PRDM10: variants seen among roughly 807,000 people sequenced by gnomAD.
PRDM10 encodes PR/SET domain 10, also known as PR domain zinc finger protein 10.
A neutral mutation model predicts 133.1 loss-of-function variants in PRDM10; 65 were observed. That is an observed-to-expected ratio of 0.49 (90% CI 0.40 to 0.60). The LOEUF is 0.60. Among genes scored for constraint, PRDM10 ranks in the 20% least tolerant of loss-of-function variants. The pLI, the probability that PRDM10 is intolerant of heterozygous loss-of-function variation, is 0.00. For synonymous variants in PRDM10, 582 were observed against 580.4 expected (o/e 1.00, Z -0.04); for missense variants, 1,137 against 1,507.1 (o/e 0.75, Z 4.07).
intron 9 of PRDM10, among the ~76,000 whole-genome samples, chr11:129,932,842 T>G (rs1328365898): frequency 6.6e-6 from 1 of 152,192 alleles, no homozygotes; most frequent in Admixed American, 6.5e-5. Flanking sequence ...CATGGCTCAC[T>G]GTGGCCTCAA....
intron 1 of PRDM10, among the ~76,000 whole-genome samples, chr11:129,977,432 C>T (rs1441216595): frequency 5.9e-5 from 9 of 152,036 alleles, no homozygotes; most frequent in African/African-American, 9.7e-5. Flanking sequence ...TACACACACC[C>T]GCCACCATGC....
chr11:129,941,999 G>A (rs920224599), intron 7 of PRDM10, among the ~76,000 whole-genome samples: 7 of 152,114 alleles, frequency 4.6e-5, no homozygotes, highest in African/African-American at 7.2e-5. Flanking sequence ...TGGTTCAAGC[G>A]ATTCTCCTGC....
intron 1 of PRDM10, among the ~76,000 whole-genome samples, chr11:129,966,254 A>C (rs775739116): frequency 6.6e-6 from 1 of 152,162 alleles, no homozygotes; most frequent in Non-Finnish European, 1.5e-5. Context: ...CAAAACAAAC[A>C]AACAAACAAA....
At chr11:129,937,102 G>A (rs1019314985) in intron 8 of PRDM10, among the ~76,000 whole-genome samples, 3 of 152,196 alleles carry the variant, frequency 2.0e-5, no homozygotes, top group East Asian at 1.9e-4. Context: ...AGAGAGTTAC[G>A]CTTGGGAGTG....
chr11:129,947,678 C>G lies in PRDM10; in HGVS notation c.295-308G>C, dbSNP rs1242044498. The G allele has an allele frequency of 1.1e-5, 8 of 745,114 alleles. No individual in the cohort carries two copies. The highest frequency in any genetic ancestry group is 1.6e-5 in the Non-Finnish European group (8 of 494,652). The allele number at this position is 745,114 out of a possible 1,614,324, so 46.2% of individuals were successfully genotyped here. On this transcript the variant is annotated intron_variant, in intron 4 of 20. Transcript: ENST00000360871. The surrounding 1 kb of genome is among the most constrained non-coding windows in gnomAD (Gnocchi z 4.6). ...GCAGCAGTGGGAGAGTCAACACTGG[C>G]AAGGCCCTGACCACCTGCGTCCTGA...
At chr11:130,001,205 C>A (rs577125428) in intron 1 of PRDM10, among the ~76,000 whole-genome samples, 139 of 151,868 alleles carry the variant, frequency 9.2e-4, no homozygotes, top group Non-Finnish European at 1.7e-3. Flanking sequence ...AAAAAAAAAT[C>A]TTGTTTTCTC....
intron 1 of PRDM10, among the ~76,000 whole-genome samples, chr11:129,988,927 C>T (rs987970914): frequency 1.3e-5 from 2 of 152,098 alleles, no homozygotes; most frequent in African/African-American, 2.4e-5. Context: ...CTGCGCCCGG[C>T]CAAGTCAATG....
chr11:129,931,296 G>C (rs746235032), intron 10 of PRDM10, 38 bp from the exon 11 acceptor site: 1 of 1,582,068 alleles, frequency 6.3e-7, no homozygotes, highest in African/African-American at 1.4e-5. Flanking sequence ...GATCAGTGCC[G>C]GAGGGACTGT....
intron 1 of PRDM10, among the ~76,000 whole-genome samples, chr11:129,970,969 G>A (rs1224279626): frequency 4.6e-5 from 7 of 152,128 alleles, no homozygotes; most frequent in Non-Finnish European, 4.4e-5. Context: ...GAAATTGGTG[G>A]GTTCTGGGTC....
rs866061869 is a variant in PRDM10 at position 129,901,519 on chromosome 11, C to G, written c.*794G>C. The stretch of plus-strand genomic sequence containing the variant: ...TACCAATATCTCCTTCTTACCACCA[C>G]CACAACCACAGAATGGGAGGCAAAG... On this transcript the variant is annotated 3_prime_UTR_variant, in exon 21 of 21. Coordinates refer to ENST00000360871, the MANE Select transcript of PRDM10 (RefSeq NM_199437.2). The G allele has an allele frequency of 1.3e-5, 2 of 152,244 alleles. No homozygotes were observed. The highest frequency in any genetic ancestry group is 3.2e-3 in the Middle Eastern group (1 of 316). 9.4% of individuals were successfully genotyped at this position (152,244 alleles called of 1,614,324 possible).
chr11:129,982,816 T>C (rs1938186551), intron 1 of PRDM10, among the ~76,000 whole-genome samples: 1 of 151,844 alleles, frequency 6.6e-6, no homozygotes, highest in African/African-American at 2.4e-5. Flanking sequence ...AAAAATTAGC[T>C]GGGCATGGTG....
intron 1 of PRDM10, among the ~76,000 whole-genome samples, chr11:129,996,747 A>C (rs1166094203): frequency 1.3e-5 from 2 of 152,198 alleles, no homozygotes; most frequent in Non-Finnish European, 2.9e-5. Context: ...CAGTGGGAAG[A>C]CCAGTTTGAC....
At chr11:129,927,384 T>G (rs771662610) in intron 11 of PRDM10, among the ~76,000 whole-genome samples, 5 of 152,220 alleles carry the variant, frequency 3.3e-5, no homozygotes, top group Non-Finnish European at 7.4e-5. Context: ...AATACTATTG[T>G]GAGGTTCAAA....
chr11:129,931,126 G>A lies in PRDM10; in HGVS notation c.1420C>T (p.His474Tyr), dbSNP rs1424872547. The A allele has an allele frequency of 6.2e-7, 1 of 1,614,110 alleles. No homozygotes were observed. The highest frequency in any genetic ancestry group is 1.3e-5 in the African/African-American group (1 of 74,938). The change falls in exon 11 of 21, where the codon CAT (histidine) becomes TAT (tyrosine). Residue 474 changes from histidine to tyrosine, a missense_variant. This residue lies in a region of PRDM10 where 635 missense variants were observed against 835.2 expected (regional missense o/e 0.76). Coordinates refer to ENST00000360871, the MANE Select transcript of PRDM10 (RefSeq NM_199437.2). ...LPQETQSSLEHEPETHTLHLQ... is the reference protein window; with the variant it reads ...LPQETQSSLEYEPETHTLHLQ... ...TGCAGGGTGTGAGTTTCTGGTTCAT[G>A]TTCCAGGGAAGACTGGGTTTCCTGT...
chr11:129,939,594 C>G (rs771051008), intron 7 of PRDM10, among the ~76,000 whole-genome samples: 16 of 152,200 alleles, frequency 1.1e-4, no homozygotes, highest in Non-Finnish European at 1.8e-4. Flanking sequence ...CTGCACAAAC[C>G]TGGTCAAGCT....
rs1387116096 is a variant in PRDM10 at position 129,947,311 on chromosome 11, G to A, written c.354C>T (p.Asp118=). The A allele has an allele frequency of 1.9e-6, 3 of 1,613,864 alleles. No individual in the cohort carries two copies. The highest frequency in any genetic ancestry group is 8.5e-7 in the Non-Finnish European group (1 of 1,179,936). Residue 118 remains aspartate (D), a synonymous_variant, in exon 5 of 21, where the codon GAC becomes GAT. Transcript: ENST00000360871. This position sits in a 1 kb window ranked among gnomAD's most constrained non-coding sequence, Gnocchi z 4.6. The part of the protein sequence containing the change: ...LPSIESVDGS[D]PLATLQTPLG... The stretch of plus-strand genomic sequence containing the variant: ...GAGGGGTCTGCAGAGTTGCCAAAGG[G>A]TCGGACCCATCTACACTCTCGATGG...
intron 1 of PRDM10, among the ~76,000 whole-genome samples, chr11:129,976,677 T>C (rs915981057): frequency 6.6e-6 from 1 of 152,144 alleles, no homozygotes; most frequent in Non-Finnish European, 1.5e-5. Flanking sequence ...TTATGTTCAT[T>C]CACTTGGAAG....
chr11:129,992,421 GCTGAT>G (rs1938805453), intron 1 of PRDM10, among the ~76,000 whole-genome samples: 1 of 152,168 alleles, frequency 6.6e-6, no homozygotes, highest in South Asian at 2.1e-4. Flanking sequence ...AGGTCACAGT[GCTGAT>G]AAGAGGAATT....
At chr11:129,936,628 C>T (rs964177063) in intron 8 of PRDM10, among the ~76,000 whole-genome samples, 6 of 151,168 alleles carry the variant, frequency 4.0e-5, no homozygotes, top group African/African-American at 1.5e-4. Context: ...ACTCCAGCCT[C>T]GGTGACAGAG....
Sources: allele counts gnomAD v4.1 joint callset (sites outside exome capture counted in the v4.1 genomes callset), GRCh38; gene constraint gnomAD v4.1.1; regional missense constraint gnomAD v4.1.1; non-coding constraint Gnocchi (gnomAD v3.1); transcripts MANE v1.5; gene names NCBI Gene and HGNC (gene_info 2026-07-23, HGNC 2026-07-21).